The following BCAS1 variants were observed in gnomAD, a reference collection of about 807,000 sequenced individuals.
The protein encoded by BCAS1 is breast carcinoma-amplified sequence 1.
BCAS1 carries 46 observed loss-of-function variants against 65.4 expected under a neutral mutation model. The observed-to-expected ratio is 0.70, with a 90% confidence interval of 0.55 to 0.90. The LOEUF (loss-of-function observed/expected upper bound fraction) is 0.90. Among genes scored for constraint, BCAS1 ranks in the 40% least tolerant of loss-of-function variants. BCAS1 has a pLI of 0.00. For synonymous variants in BCAS1, 298 were observed against 293.5 expected, an observed-to-expected ratio of 1.02 and a Z score of -0.16; for missense variants, 793 against 771.2, an observed-to-expected ratio of 1.03 and a Z score of -0.33.
intron 3 of BCAS1, among the ~76,000 whole-genome samples, chr20:54,055,945 G>C (rs2092290887): frequency 6.6e-6 from 1 of 152,062 alleles, no homozygotes; most frequent in South Asian, 2.1e-4. Context: ...GACACAGAAA[G>C]ACAAATACTA....
intron 12 of BCAS1, among the ~76,000 whole-genome samples, chr20:53,949,187 C>T (rs968240950): frequency 2.1e-5 from 3 of 139,648 alleles, no homozygotes; most frequent in Admixed American, 7.4e-5. Flanking sequence ...TCTGTGTGTG[C>T]GTATATGCAT....
At chr20:53,994,048 T>C (rs373036641) in intron 6 of BCAS1, among the ~76,000 whole-genome samples, 15 of 152,308 alleles carry the variant, frequency 9.8e-5, no homozygotes, top group African/African-American at 2.4e-4. Context: ...CAGATTAAGA[T>C]TGTACCACTA....
intron 4 of BCAS1, among the ~76,000 whole-genome samples, chr20:54,027,783 C>CA (rs869131413): frequency 6.8e-6 from 1 of 146,362 alleles, no homozygotes; most frequent in Non-Finnish European, 1.5e-5. Context: ...AAAACCAACA[C>CA]AAAAAAACCC....
At chr20:53,978,083 C>G (rs1299472033) in intron 8 of BCAS1, among the ~76,000 whole-genome samples, 5 of 135,540 alleles carry the variant, frequency 3.7e-5, no homozygotes, top group Non-Finnish European at 7.7e-5. Context: ...TGTTCCCCTT[C>G]CTGTGTCCAT....
At chr20:54,062,493 CTCTA>C (rs1344775226) in intron 1 of BCAS1, among the ~76,000 whole-genome samples, 2 of 152,198 alleles carry the variant, frequency 1.3e-5, no homozygotes, top group Admixed American at 6.5e-5. Context: ...CACAAAGTAT[CTCTA>C]TCTAAATTCA....
At position 53,975,448 on chromosome 20, in the gene BCAS1, CAA is replaced by C; in HGVS notation, c.1276-20_1276-19del. ...TTAACTGACTAAAGGAAGATAAAAACAAAAGTGAGAGTTAAAAGGTTACAGAA... is the reference window on the plus strand; with the variant it reads ...TTAACTGACTAAAGGAAGATAAAAACAAGTGAGAGTTAAAAGGTTACAGAA... On this transcript the variant is annotated intron_variant, in intron 8 of 12. Coordinates refer to ENST00000688948, the MANE Select transcript of BCAS1 (RefSeq NM_001366298.2). The C allele has an allele frequency of 1.2e-6, 2 of 1,608,770 alleles. No homozygotes were observed. The highest frequency in any genetic ancestry group is 4.5e-5 in the East Asian group (2 of 44,746).
Position 54,058,110 on chromosome 20 carries a change from G to T in BCAS1, c.117C>A (p.Thr39=), listed in dbSNP as rs751622193. The change falls in exon 3 of 13, where the codon ACC becomes ACA. Residue 39 remains threonine (T), a synonymous_variant. Transcript: ENST00000688948. ...ALNGVPVVVS[T]HTVQHLEEVD... ...CTTCCTCTAAGTGCTGAACTGTGTG[G>T]GTCGACACCACCACTGGAACCCCGT... 4.3e-6 allele frequency: 7 copies of T among 1,613,792 alleles called. No individual in the cohort carries two copies. In the East Asian group the frequency reaches 1.6e-4, roughly 36 times the overall value.
In BCAS1 at chr20:54,051,795, T is replaced by C. The variant is rs185487204; in HGVS notation, c.142+6290A>G. Among the ~76,000 whole-genome samples the C allele has an allele frequency of 5.8e-3, 876 of 152,176 alleles. 4 individuals are homozygous for C. Among genetic ancestry groups the C allele is most frequent in the South Asian group, 0.028 (134 of 4,818 alleles). ...GTCTGTCTCCTAGGCTGGAGTGCCG[T>C]GGCACGATCTTGGCTCACTGCAACC... On this transcript the variant is annotated intron_variant, in intron 3 of 12. Coordinates refer to ENST00000688948, the MANE Select transcript of BCAS1 (RefSeq NM_001366298.2).
At chr20:53,971,474 A>T (rs113872515) in intron 9 of BCAS1, among the ~76,000 whole-genome samples, 1 of 152,264 alleles carries the variant, frequency 6.6e-6, no homozygotes, top group African/African-American at 2.4e-5. Context: ...TCACTGCAAC[A>T]CAACCTGGCA....
chr20:54,027,179 T>G (rs2091690462), intron 4 of BCAS1, among the ~76,000 whole-genome samples: 1 of 152,222 alleles, frequency 6.6e-6, no homozygotes, highest in Non-Finnish European at 1.5e-5. Context: ...TGAATCAAAA[T>G]GTATAGAAAA....
chr20:54,061,769 A>G (rs770567197), intron 1 of BCAS1, among the ~76,000 whole-genome samples: 15 of 152,100 alleles, frequency 9.9e-5, no homozygotes, highest in Admixed American at 7.9e-4. Flanking sequence ...GTTTTGTGCT[A>G]TTTTCTATTT....
chr20:54,045,366 A>T (rs1568916256), intron 3 of BCAS1, among the ~76,000 whole-genome samples: 1 of 152,248 alleles, frequency 6.6e-6, no homozygotes, highest in Non-Finnish European at 1.5e-5. Context: ...CTTTAAAAAA[A>T]ATGAATTAAA....
Position 53,957,437 on chromosome 20 carries a change from A to G in BCAS1, c.1546T>C (p.Cys516Arg), listed in dbSNP as rs1036730608. 2 of 1,613,770 alleles carry G rather than the reference A, an allele frequency of 1.2e-6. No individual in the cohort carries two copies. Among genetic ancestry groups the G allele is most frequent in the Non-Finnish European group, 1.7e-6 (2 of 1,179,722 alleles). The change falls in exon 11 of 13, where the codon TGC becomes CGC. Residue 516 changes from cysteine (C) to arginine (R), a missense_variant. Transcript: ENST00000688948. ...CTGAGTTCGAGGTCACTTACTTGGCAGCTGGAGTCTTTCCCATTTATTTCT... is the reference window on the plus strand; with the variant it reads ...CTGAGTTCGAGGTCACTTACTTGGCGGCTGGAGTCTTTCCCATTTATTTCT... ...SEEINGKDSS[C>R]QTSDSTEKTI...
intron 8 of BCAS1, among the ~76,000 whole-genome samples, chr20:53,980,639 T>A (rs2090453785): frequency 2.0e-5 from 3 of 152,242 alleles, no homozygotes; most frequent in Non-Finnish European, 4.4e-5. Context: ...AAACATCACA[T>A]CTGCCTTTGG....
At position 54,042,141 on chromosome 20, in the gene BCAS1, G is replaced by A. The variant is rs1323245479; in HGVS notation, c.143-13169C>T. ...ACTACTGTAGTTGTGGCAAAAAACT[G>A]GAAATGACCTAAACGCTTATTAGTA... On this transcript the variant is annotated intron_variant, in intron 3 of 12. Coordinates refer to ENST00000688948, the MANE Select transcript of BCAS1 (RefSeq NM_001366298.2). Among the ~76,000 whole-genome samples the A allele has an allele frequency of 2.0e-5, 3 of 152,082 alleles. No homozygotes were observed. In the East Asian group the frequency reaches 5.8e-4, roughly 29 times the overall value.
At chr20:54,043,328 TGA>T (rs2092035620) in intron 3 of BCAS1, among the ~76,000 whole-genome samples, 1 of 133,326 alleles carries the variant, frequency 7.5e-6, no homozygotes, top group Non-Finnish European at 1.6e-5. Context: ...ATGATGATGA[TGA>T]CGATGATTTT....
At chr20:53,980,788 G>C (rs1008171171) in intron 8 of BCAS1, among the ~76,000 whole-genome samples, 3 of 152,190 alleles carry the variant, frequency 2.0e-5, no homozygotes, top group Non-Finnish European at 4.4e-5. Context: ...CATACATAAA[G>C]ACAAATGAAG....
rs2090786465 is a variant in BCAS1 at position 53,992,494 on chromosome 20, C to T, written c.1062+18G>A. On this transcript the variant is annotated intron_variant, in intron 7 of 12. Transcript: ENST00000688948. The stretch of plus-strand genomic sequence containing the variant: ...ACCAGAGTTCTTGTTTTTCCTCCTA[C>T]TTTAATAAGATACAGACCTTATGCC... The T allele has an allele frequency of 2.2e-6, 3 of 1,364,706 alleles. No individual in the cohort carries two copies. Among genetic ancestry groups the T allele is most frequent in the South Asian group, 2.3e-5 (2 of 87,812 alleles). 84.5% of individuals were successfully genotyped at this position (1,364,706 alleles called of 1,614,324 possible).
chr20:54,004,719 G>C (rs192053991), intron 4 of BCAS1, among the ~76,000 whole-genome samples: 13 of 152,132 alleles, frequency 8.5e-5, no homozygotes, highest in Admixed American at 7.9e-4. Flanking sequence ...GGGCTCTGAA[G>C]TTATGCTTTC....
Sources: gnomAD v4.1 joint callset for allele counts (sites outside exome capture counted in the v4.1 genomes callset) on GRCh38, gnomAD v4.1.1 for gene constraint, MANE v1.5 for transcripts, NCBI Gene and HGNC (gene_info 2026-07-23, HGNC 2026-07-21) for gene names.